OLAH: variants seen among roughly 807,000 people sequenced by gnomAD.
OLAH encodes S-acyl fatty acid synthase thioesterase, medium chain.
Under a neutral mutation model 27.8 loss-of-function variants are expected in OLAH, and 33 were observed. The observed-to-expected ratio is 1.19, with a 90% CI of 0.90 to 1.59. OLAH has a LOEUF of 1.59. OLAH is among the 40% of genes most tolerant of loss of function. The pLI is 0.00. For synonymous variants in OLAH, 120 were observed against 102.9 expected, an observed-to-expected ratio of 1.17 and a Z score of -1.01; for missense variants, 359 against 310.8, an observed-to-expected ratio of 1.16 and a Z score of -1.17.
At chr10:15,064,753 G>A (rs1157070898) in intron 5 of OLAH, among the ~76,000 whole-genome samples, 1 of 152,164 alleles carries the variant, frequency 6.6e-6, no homozygotes, top group Non-Finnish European at 1.5e-5. Flanking sequence ...TGCTTACTGG[G>A]TTCAAGAGAT....
chr10:15,032,668 C>T (rs1345058518), intron 1 of OLAH, among the ~76,000 whole-genome samples: 1 of 148,940 alleles, frequency 6.7e-6, no homozygotes, highest in Non-Finnish European at 1.5e-5. Flanking sequence ...AATTCTATAA[C>T]TTGTTTTTCA....
At chr10:15,056,205 C>G (rs1240539130) in intron 3 of OLAH, among the ~76,000 whole-genome samples, 1 of 152,078 alleles carries the variant, frequency 6.6e-6, no homozygotes, top group East Asian at 1.9e-4. Context: ...ATTTATGTAT[C>G]TATTCTGTTC....
At chr10:15,036,414 C>CT (rs1843841206) in intron 1 of OLAH, among the ~76,000 whole-genome samples, 1 of 152,018 alleles carries the variant, frequency 6.6e-6, no homozygotes, top group Non-Finnish European at 1.5e-5. Context: ...AGGAGAATCG[C>CT]CGAACCTGGG....
At chr10:15,047,059 C>T (rs1163374584) in intron 1 of OLAH, 67 bp from the exon 2 acceptor site, 1 of 458,834 alleles carries the variant, frequency 2.2e-6, no homozygotes, top group Non-Finnish European at 3.9e-6. Context: ...TTGTCATCAC[C>T]ACTGTCATTT....
chr10:15,072,447 A>C (rs1488737042), intron 7 of OLAH, among the ~76,000 whole-genome samples: 1 of 152,106 alleles, frequency 6.6e-6, no homozygotes. Flanking sequence ...AATGCAGGAC[A>C]CCTAGTGTAA....
At chr10:15,068,990 A>G (rs148319147) in intron 6 of OLAH, among the ~76,000 whole-genome samples, 1,543 of 152,110 alleles carry the variant, frequency 0.01, 9 homozygotes, top group Non-Finnish European at 0.018. Context: ...TTGGCGTTCA[A>G]TGTTCCCTGT....
At chr10:15,066,932 G>A (rs1283385492) in intron 6 of OLAH, among the ~76,000 whole-genome samples, 2 of 152,150 alleles carry the variant, frequency 1.3e-5, no homozygotes, top group African/African-American at 2.4e-5. Flanking sequence ...GAGCCACTGT[G>A]CTCAGCAAGG....
upstream of OLAH, among the ~76,000 whole-genome samples, chr10:15,039,020 C>T (rs1313327197): frequency 2.0e-5 from 3 of 152,008 alleles, no homozygotes; most frequent in African/African-American, 7.3e-5. Flanking sequence ...GTCAGGAATT[C>T]GAGACCAGCC....
chr10:15,061,834 G>A lies in OLAH; in HGVS notation c.274G>A (p.Asp92Asn), dbSNP rs774664197. Reference protein sequence around the residue: ...VVCALQPVIQDKPFAFFGHSM... With the variant: ...VVCALQPVIQNKPFAFFGHSM... Reference sequence around the variant, plus strand: ...TTGTGCTCTGCAGCCAGTCATCCAGGATAAACCATTTGCATTTTTTGGCCA... The same window carrying A: ...TTGTGCTCTGCAGCCAGTCATCCAGAATAAACCATTTGCATTTTTTGGCCA... Residue 92 changes from aspartate (D) to asparagine (N), a missense_variant, in exon 4 of 8, where the codon GAT (aspartate) becomes AAT (asparagine). Coordinates refer to ENST00000378228, the MANE Select transcript of OLAH (RefSeq NM_001039702.3). 1.2e-5 allele frequency: 19 copies of A among 1,613,698 alleles called. No homozygotes were observed. The highest frequency in any genetic ancestry group is 1.6e-4 in the Middle Eastern group (1 of 6,062).
intron 6 of OLAH, among the ~76,000 whole-genome samples, chr10:15,066,548 T>C (rs536352919): frequency 6.6e-6 from 1 of 152,110 alleles, no homozygotes; most frequent in Admixed American, 6.5e-5. Flanking sequence ...ATTCTTCTGA[T>C]AGAACTGAAG....
rs184771989 is a variant in OLAH, at chr10:15,069,585, G to C, written c.573-2210G>C. 1.6e-3 allele frequency among the ~76,000 whole-genome samples: 250 copies of C among 152,214 alleles called. 1 individual carries two copies. Among genetic ancestry groups the C allele is most frequent in the African/African-American group, 5.4e-3 (224 of 41,546 alleles). ...GAGGCCCATGGAAAAGAGGCTGCAT[G>C]GCTGGGCACGGTGGCTCATGCCTGG... On this transcript the variant is annotated intron_variant, in intron 6 of 7. Transcript: ENST00000378228.
At chr10:15,037,641 C>A (rs571829740) in intron 1 of OLAH, among the ~76,000 whole-genome samples, 5 of 151,868 alleles carry the variant, frequency 3.3e-5, no homozygotes, top group Non-Finnish European at 7.4e-5. Context: ...ACATCAGAGG[C>A]CTAACCGATA....
intron 4 of OLAH, 120 bp downstream of exon 4, chr10:15,061,982 G>C: frequency 8.1e-6 from 7 of 862,200 alleles, no homozygotes; most frequent in South Asian, 2.7e-5. Flanking sequence ...CAGCATGTTA[G>C]GTAATTATGG....
chr10:15,054,398 GTCTGCCTT>G (rs1844205965), intron 3 of OLAH, among the ~76,000 whole-genome samples: 1 of 152,164 alleles, frequency 6.6e-6, no homozygotes, highest in African/African-American at 2.4e-5. Context: ...CAGTCTCTCA[GTCTGCCTT>G]ATGCCCCTTG....
upstream of OLAH, among the ~76,000 whole-genome samples, chr10:15,042,541 C>T (rs1181862980): frequency 6.6e-6 from 1 of 152,158 alleles, no homozygotes; most frequent in Non-Finnish European, 1.5e-5. Context: ...GTGTTACAGA[C>T]AATCCAATTA....
chr10:15,059,518 G>T (rs1844321206), intron 3 of OLAH, among the ~76,000 whole-genome samples: 2 of 151,846 alleles, frequency 1.3e-5, no homozygotes, highest in Non-Finnish European at 2.9e-5. Context: ...GAAATGTGCT[G>T]TCATGGCCTG....
chr10:15,038,311 T>C (rs796273944), intron 1 of OLAH, among the ~76,000 whole-genome samples: 11 of 152,318 alleles, frequency 7.2e-5, no homozygotes, highest in African/African-American at 2.6e-4. Flanking sequence ...TCTGAGTTAA[T>C]GCTGAAATGA....
At chr10:15,051,078 ATTT>A (rs35201278) in intron 3 of OLAH, among the ~76,000 whole-genome samples, 1 of 134,846 alleles carries the variant, frequency 7.4e-6, no homozygotes. Flanking sequence ...TATTATTATT[ATTT>A]TTTTTTTTTT....
rs78039129 is a variant in OLAH, at chr10:15,057,108, A to T, written c.164-4616A>T. The T allele has an allele frequency of 1.9e-3, 2,186 of 1,166,824 alleles. 25 individuals carry two copies. In the African/African-American group the frequency reaches 0.032, roughly 17 times the overall value. 72.3% of individuals were successfully genotyped at this position (1,166,824 alleles called of 1,614,324 possible). ...GCTTATTACTCTTCTTTTAAACTTT[A>T]TGCTTTTTATGGCTTGCTTTAAAAG... On this transcript the variant is annotated intron_variant, in intron 3 of 7. Coordinates refer to ENST00000378228, the MANE Select transcript of OLAH (RefSeq NM_001039702.3).
Sources: allele counts gnomAD v4.1 joint callset (sites outside exome capture counted in the v4.1 genomes callset), GRCh38; gene constraint gnomAD v4.1.1; transcripts MANE v1.5; gene names NCBI Gene and HGNC (gene_info 2026-07-23, HGNC 2026-07-21).